Variants in MVB12B observed in about 807,000 individuals in gnomAD.
MVB12B encodes the protein multivesicular body subunit 12B, also known as ESCRT-I complex subunit MVB12B.
In MVB12B, 16 loss-of-function variants were observed where a neutral mutation model predicts 41.6. The ratio of observed to expected loss-of-function variants is 0.38; its 90% confidence interval spans 0.26 to 0.58. MVB12B has a LOEUF of 0.58. Among genes scored for constraint, MVB12B ranks in the 20% least tolerant of loss-of-function variants. MVB12B has a pLI of 0.62. For missense variants in MVB12B, 274 were observed against 380.2 expected, an observed-to-expected ratio of 0.72 and a Z score of 2.32; for synonymous variants, 133 against 139.7, an observed-to-expected ratio of 0.95 and a Z score of 0.34.
chr9:126,440,370 C>T (rs996319390), intron 7 of MVB12B, among the ~76,000 whole-genome samples: 9 of 152,224 alleles, frequency 5.9e-5, no homozygotes, highest in Admixed American at 5.9e-4. Flanking sequence ...GAGGCTGTTG[C>T]TGAACTTCCC....
intron 7 of MVB12B, among the ~76,000 whole-genome samples, chr9:126,470,879 A>G (rs7030917): frequency 0.13 from 19,686 of 152,200 alleles, 1,803 homozygotes; most frequent in East Asian, 0.44. Flanking sequence ...AGCAGGTAGA[A>G]AAAGGTCAAC....
At chr9:126,385,308 C>T (rs1311597233) in intron 3 of MVB12B, among the ~76,000 whole-genome samples, 1 of 152,072 alleles carries the variant, frequency 6.6e-6, no homozygotes, top group East Asian at 1.9e-4. Context: ...ACTCTAGAAG[C>T]AAGACAGATA....
At chr9:126,471,773 G>C (rs1187380832) in intron 7 of MVB12B, among the ~76,000 whole-genome samples, 1 of 152,150 alleles carries the variant, frequency 6.6e-6, no homozygotes, top group Non-Finnish European at 1.5e-5. Context: ...ACAGCTCCAA[G>C]CCCCGGGCAG....
At position 126,480,246 on chromosome 9, in the gene MVB12B, G is replaced by A. The variant is rs541126408; in HGVS notation, c.758-1123G>A. On this transcript the variant is annotated intron_variant, in intron 7 of 9. Transcript: ENST00000361171. This position sits in a 1 kb window ranked among gnomAD's most constrained non-coding sequence, Gnocchi z 4.9. The stretch of plus-strand genomic sequence containing the variant: ...ACTCATGACCAGGCCCCTAACAACT[G>A]CGGCTGCATGTTCCCGACTCTTCCC... Among the ~76,000 whole-genome samples the A allele has an allele frequency of 1.3e-5, 2 of 152,184 alleles. No individual in the cohort carries two copies. The highest frequency in any genetic ancestry group is 3.9e-4 in the East Asian group (2 of 5,170).
At chr9:126,437,527 A>G (rs1221777331) in intron 7 of MVB12B, among the ~76,000 whole-genome samples, 2 of 152,240 alleles carry the variant, frequency 1.3e-5, no homozygotes, top group Admixed American at 6.5e-5. Context: ...TTATGAAGTG[A>G]CAGGTGAGTT....
intron 3 of MVB12B, among the ~76,000 whole-genome samples, chr9:126,385,969 A>G (rs935341284): frequency 1.3e-5 from 2 of 152,230 alleles, no homozygotes; most frequent in Non-Finnish European, 2.9e-5. Flanking sequence ...TACTACCACT[A>G]AACAGAAACT....
intron 9 of MVB12B, among the ~76,000 whole-genome samples, chr9:126,491,380 ATTCT>A (rs1833728124): frequency 6.6e-6 from 1 of 152,210 alleles, no homozygotes. Context: ...ACAATTGTTC[ATTCT>A]TTCTACTTTT....
rs762461727 is a variant in MVB12B at position 126,459,871 on chromosome 9, C to T, written c.758-21498C>T. 3.9e-5 allele frequency among the ~76,000 whole-genome samples: 6 copies of T among 152,278 alleles called. No homozygotes were observed. The South Asian group carries it at 1.0e-3, about 26-fold the overall frequency. On this transcript the variant is annotated intron_variant, in intron 7 of 9. Transcript: ENST00000361171. This position sits in a 1 kb window ranked among gnomAD's most constrained non-coding sequence, Gnocchi z 4.3. The stretch of plus-strand genomic sequence containing the variant: ...CCATCTCGAGGGAGAGAAAGGGCTC[C>T]GGGGCTCAGTAATGGTTTTCACAGG...
At chr9:126,482,551 G>A (rs1458537902) in intron 8 of MVB12B, among the ~76,000 whole-genome samples, 1 of 150,792 alleles carries the variant, frequency 6.6e-6, no homozygotes, top group Non-Finnish European at 1.5e-5. Context: ...CCGTTCCCTG[G>A]GAGAGGCAGC....
intron 7 of MVB12B, among the ~76,000 whole-genome samples, chr9:126,455,828 T>C (rs1174880761): frequency 6.6e-6 from 1 of 152,042 alleles, no homozygotes; most frequent in Non-Finnish European, 1.5e-5. Flanking sequence ...TGTTACAGTT[T>C]TGCTGTCGTG....
chr9:126,339,484 T>G (rs1248682635), intron 1 of MVB12B, among the ~76,000 whole-genome samples: 1 of 152,204 alleles, frequency 6.6e-6, no homozygotes, highest in Non-Finnish European at 1.5e-5. Context: ...TGCTTTCTGG[T>G]GCACTGCCAC....
intron 7 of MVB12B, among the ~76,000 whole-genome samples, chr9:126,443,030 A>T (rs1327805556): frequency 2.6e-5 from 4 of 152,224 alleles, no homozygotes; most frequent in African/African-American, 7.2e-5. Flanking sequence ...TAGAGTCTAG[A>T]AAACACTGGT....
intron 9 of MVB12B, among the ~76,000 whole-genome samples, chr9:126,493,813 G>A (rs564901847): frequency 2.6e-5 from 4 of 152,178 alleles, no homozygotes; most frequent in African/African-American, 4.8e-5. Flanking sequence ...TGACTTTTGT[G>A]TAATATTTCT....
intron 6 of MVB12B, among the ~76,000 whole-genome samples, chr9:126,411,077 C>T (rs58230080): frequency 0.13 from 19,325 of 151,892 alleles, 1,385 homozygotes; most frequent in African/African-American, 0.18. Flanking sequence ...TTAGTAGAAA[C>T]GGGGTTTCAC....
At chr9:126,363,382 G>A (rs1175695348) in intron 2 of MVB12B, among the ~76,000 whole-genome samples, 1 of 152,124 alleles carries the variant, frequency 6.6e-6, no homozygotes, top group Non-Finnish European at 1.5e-5. Flanking sequence ...TGTGTGTAGG[G>A]AGTGGCAGGT....
chr9:126,385,475 A>G (rs1161021438), intron 3 of MVB12B, among the ~76,000 whole-genome samples: 1 of 152,170 alleles, frequency 6.6e-6, no homozygotes, highest in East Asian at 1.9e-4. Context: ...GCAGAGATGG[A>G]GGTAGCAGCC....
At chr9:126,327,074 CGGGCGGGCGCGGGCCCCCGGCCGAG>C (rs1456427357) in intron 1 of MVB12B, 64 bp downstream of exon 1, 7 of 149,076 alleles carry the variant, frequency 4.7e-5, no homozygotes, top group Non-Finnish European at 6.6e-5. Context: ...GGAGGGCGGG[CGGGCGGGCGCGGGCCCCCGGCCGAG>C]GGGCGGGCGG....
At chr9:126,373,677 C>T (rs139014234) in intron 2 of MVB12B, among the ~76,000 whole-genome samples, 5 of 152,306 alleles carry the variant, frequency 3.3e-5, no homozygotes, top group East Asian at 1.9e-4. Flanking sequence ...GAACCTCTGA[C>T]GGTTGAAATG....
chr9:126,501,122 G>C (rs1833946587), intron 9 of MVB12B, among the ~76,000 whole-genome samples: 1 of 152,262 alleles, frequency 6.6e-6, no homozygotes, highest in Non-Finnish European at 1.5e-5. Flanking sequence ...CCCGGAGCCG[G>C]AGTCTCCTGA....
Sources: gnomAD v4.1 joint callset for allele counts (sites outside exome capture counted in the v4.1 genomes callset) on GRCh38, gnomAD v4.1.1 for gene constraint, Gnocchi (gnomAD v3.1) non-coding constraint, MANE v1.5 for transcripts, NCBI Gene and HGNC (gene_info 2026-07-23, HGNC 2026-07-21) for gene names.